Variants in TAOK3 observed in about 807,000 individuals in gnomAD.
The protein encoded by TAOK3 is TAO kinase 3, also known as serine/threonine-protein kinase TAO3.
TAOK3 carries 40 observed loss-of-function variants against 120.4 expected under a neutral mutation model. The ratio of observed to expected loss-of-function variants is 0.33; its 90% confidence interval spans 0.26 to 0.43. TAOK3 has a LOEUF of 0.43. TAOK3 is among the 20% of genes least tolerant of loss of function. The probability of loss-of-function intolerance (pLI) is 1.00; values close to 1 mark genes in which losing one functional copy is unlikely to be tolerated. For missense variants in TAOK3, 821 were observed against 1,112.1 expected, an observed-to-expected ratio of 0.74 and a Z score of 3.72; for synonymous variants, 355 against 387.5, an observed-to-expected ratio of 0.92 and a Z score of 0.99.
At chr12:118,300,127 A>G (rs1426472774) in intron 1 of TAOK3, among the ~76,000 whole-genome samples, 1 of 152,204 alleles carries the variant, frequency 6.6e-6, no homozygotes, top group Non-Finnish European at 1.5e-5. Flanking sequence ...AATCAAGGCA[A>G]TTCCTTTGCT....
At chr12:118,229,858 G>A (rs1220163206) in intron 9 of TAOK3, among the ~76,000 whole-genome samples, 2 of 152,116 alleles carry the variant, frequency 1.3e-5, no homozygotes, top group Non-Finnish European at 2.9e-5. Flanking sequence ...TTGAACCTGG[G>A]AGGTGGAGGT....
Position 118,274,641 on chromosome 12 carries a change from T to C in TAOK3, c.-193-7882A>G, listed in dbSNP as rs561932893. ...CTTAAATTTAACACTGAATATCTTT[T>C]ATTTTTAAAGACAGTCTCACTCTGT... is the stretch of plus-strand genomic sequence containing the variant. On this transcript the variant is annotated intron_variant, in intron 1 of 20. Transcript: ENST00000392533. Among the ~76,000 whole-genome samples the C allele has an allele frequency of 3.3e-5, 5 of 152,304 alleles. 1 individual carries two copies. The highest frequency in any genetic ancestry group is 4.1e-4 in the South Asian group (2 of 4,826).
At chr12:118,366,852 G>A (rs1232395750) in intron 1 of TAOK3, among the ~76,000 whole-genome samples, 6 of 152,158 alleles carry the variant, frequency 3.9e-5, no homozygotes. Context: ...CACTCTGGGA[G>A]GCTGAGGTGG....
At position 118,271,420 on chromosome 12, in the gene TAOK3, T is replaced by C. The variant is rs145953996; in HGVS notation, c.-193-4661A>G. Among the ~76,000 whole-genome samples, 11 of 152,366 alleles carry C rather than the reference T, an allele frequency of 7.2e-5. 1 individual carries two copies. Among genetic ancestry groups the C allele is most frequent in the Middle Eastern group, 6.8e-3 (2 of 294 alleles). On this transcript the variant is annotated intron_variant, in intron 1 of 20. Transcript: ENST00000392533. ...AGATTTCCTTGTTCTGGGAATTTCA[T>C]ATAAACGGAATCATACAATATGTGG...
intron 1 of TAOK3, among the ~76,000 whole-genome samples, chr12:118,352,560 A>G (rs2045221447): frequency 6.6e-6 from 1 of 152,128 alleles, no homozygotes; most frequent in East Asian, 1.9e-4. Context: ...ATAGTTTCTC[A>G]TAAAGAAAAG....
chr12:118,311,517 C>A lies in TAOK3; in HGVS notation c.-193-44758G>T, dbSNP rs535899657. ...AATAAGTTTGTTATAAGGATTTTCACCATGAGATAGGGAAAACTCTTATTA... is the reference window on the plus strand; with the variant it reads ...AATAAGTTTGTTATAAGGATTTTCAACATGAGATAGGGAAAACTCTTATTA... On this transcript the variant is annotated intron_variant, in intron 1 of 20. Transcript: ENST00000392533. 2.9e-4 allele frequency among the ~76,000 whole-genome samples: 44 copies of A among 152,224 alleles called. No individual in the cohort carries two copies. The South Asian group carries it at 9.1e-3, about 32-fold the overall frequency.
intron 1 of TAOK3, among the ~76,000 whole-genome samples, chr12:118,333,834 TAA>T (rs201739458): frequency 5.2e-5 from 7 of 135,464 alleles, no homozygotes; most frequent in East Asian, 2.1e-4. Flanking sequence ...GGGTATTTTA[TAA>T]AAAAAAAAAA....
intron 9 of TAOK3, among the ~76,000 whole-genome samples, chr12:118,223,618 T>C (rs1055395754): frequency 1.3e-5 from 2 of 151,166 alleles, no homozygotes; most frequent in African/African-American, 4.9e-5. Context: ...AGTGTTGGGA[T>C]TACAGGTGTG....
At chr12:118,363,776 GAC>G (rs1304742199) in intron 1 of TAOK3, among the ~76,000 whole-genome samples, 5 of 150,584 alleles carry the variant, frequency 3.3e-5, no homozygotes, top group South Asian at 4.2e-4. Context: ...GAGAGAGAGA[GAC>G]AGACAGACAG....
intron 1 of TAOK3, among the ~76,000 whole-genome samples, chr12:118,360,246 CAG>C (rs1385112600): frequency 6.8e-6 from 1 of 147,692 alleles, no homozygotes; most frequent in African/African-American, 2.5e-5. Context: ...GCCTGGGCGA[CAG>C]AGTGAGACTG....
At chr12:118,236,236 A>G (rs1359157106) in intron 7 of TAOK3, 1 of 152,932 alleles carries the variant, frequency 6.5e-6, no homozygotes, top group East Asian at 1.9e-4. Flanking sequence ...TTTGAGGTAC[A>G]TGTTATATAG....
At chr12:118,281,401 G>GAT (rs1274846404) in intron 1 of TAOK3, among the ~76,000 whole-genome samples, 6 of 152,130 alleles carry the variant, frequency 3.9e-5, no homozygotes, top group African/African-American at 1.4e-4. Flanking sequence ...GATGCCTATG[G>GAT]ACACCTTCTC....
At chr12:118,355,802 T>C (rs748235585) in intron 1 of TAOK3, among the ~76,000 whole-genome samples, 1 of 152,226 alleles carries the variant, frequency 6.6e-6, no homozygotes, top group South Asian at 2.1e-4. Flanking sequence ...AAAATTATGC[T>C]TTTCATACAT....
chr12:118,301,031 C>A (rs533037347), intron 1 of TAOK3, among the ~76,000 whole-genome samples: 1 of 152,188 alleles, frequency 6.6e-6, no homozygotes. Context: ...CTGCCTCAGC[C>A]TCCCAAAGTG....
chr12:118,216,294 G>C (rs1416833708), intron 9 of TAOK3, among the ~76,000 whole-genome samples: 1 of 152,152 alleles, frequency 6.6e-6, no homozygotes, highest in East Asian at 1.9e-4. Flanking sequence ...TATCTGGCCA[G>C]GTATTTCCTG....
chr12:118,238,722 A>G (rs1445099343), intron 6 of TAOK3, among the ~76,000 whole-genome samples: 8 of 151,744 alleles, frequency 5.3e-5, no homozygotes, highest in African/African-American at 2.4e-5. Flanking sequence ...GCAGCCTTGA[A>G]TTCCTGGGCT....
intron 1 of TAOK3, among the ~76,000 whole-genome samples, chr12:118,309,149 C>T (rs1223713568): frequency 1.3e-5 from 2 of 150,948 alleles, no homozygotes; most frequent in African/African-American, 4.9e-5. Flanking sequence ...GCCAACGTGG[C>T]GAAACCCCAT....
chr12:118,268,245 T>C (rs192304383), intron 1 of TAOK3, among the ~76,000 whole-genome samples: 168 of 152,334 alleles, frequency 1.1e-3, no homozygotes, highest in Middle Eastern at 3.4e-3. Context: ...TTGGTGCCTA[T>C]TACTTATCTA....
In TAOK3 at chr12:118,152,414, G is replaced by A. The variant is rs769599919; in HGVS notation, c.2353-5C>T. ...TTGAGCCTCATCTAGCCGTAACTGC[G>A]GACACAGAAGACACACACGGTCATG... On this transcript the variant is annotated splice_polypyrimidine_tract_variant and splice_region_variant and intron_variant, in intron 19 of 20. Transcript: ENST00000392533. 2.3e-5 allele frequency: 37 copies of A among 1,607,182 alleles called. No individual in the cohort carries two copies. Among genetic ancestry groups the A allele is most frequent in the Middle Eastern group, 1.7e-4 (1 of 6,020 alleles).
Sources: allele counts gnomAD v4.1 joint callset (sites outside exome capture counted in the v4.1 genomes callset), GRCh38; gene constraint gnomAD v4.1.1; transcripts MANE v1.5; gene names NCBI Gene and HGNC (gene_info 2026-07-23, HGNC 2026-07-21).